CYLD: variants seen among roughly 807,000 people sequenced by gnomAD.
The protein encoded by CYLD is CYLD lysine 63 deubiquitinase.
A neutral mutation model predicts 104.5 loss-of-function variants in CYLD; 26 were observed. That is an observed-to-expected ratio of 0.25 (90% CI 0.18 to 0.35). CYLD has a LOEUF of 0.35. Ranked by LOEUF, CYLD falls within the 10% of genes least tolerant of loss-of-function variation. The pLI is 1.00. For synonymous variants in CYLD, 385 were observed against 399.9 expected (o/e 0.96, Z 0.45); for missense variants, 703 against 1,136.1 (o/e 0.62, Z 5.48).
Position 50,794,526 on chromosome 16 carries a change from G to A in CYLD, c.2686+98G>A. The A allele has an allele frequency of 8.5e-7, 1 of 1,177,850 alleles. No individual in the cohort carries two copies. The highest frequency in any genetic ancestry group is 1.3e-6 in the Non-Finnish European group (1 of 789,564). 73.0% of individuals were successfully genotyped at this position (1,177,850 alleles called of 1,614,324 possible). On this transcript the variant is annotated intron_variant, in intron 18 of 18. Coordinates refer to ENST00000427738, the MANE Select transcript of CYLD (RefSeq NM_001378743.1). The surrounding 1 kb of genome is among the most constrained non-coding windows in gnomAD (Gnocchi z 4.1). The stretch of plus-strand genomic sequence containing the variant: ...GCCTGTTCTGAGTGATATTTTCTGA[G>A]AAAATCCTTTCAGGATTATTCTGGT...
At chr16:50,747,320 G>A (rs1254870235) in intron 2 of CYLD, among the ~76,000 whole-genome samples, 2 of 152,194 alleles carry the variant, frequency 1.3e-5, no homozygotes, top group Admixed American at 6.5e-5. Flanking sequence ...CAACAAGGCC[G>A]TAAAAGGAGT....
At chr16:50,781,742 C>G (rs992217861) in intron 10 of CYLD, among the ~76,000 whole-genome samples, 6 of 151,486 alleles carry the variant, frequency 4.0e-5, no homozygotes, top group Non-Finnish European at 8.8e-5. Flanking sequence ...TTACTGACTT[C>G]CCTCACAGTG....
intron 18 of CYLD, 89 bp from the exon 19 acceptor site, chr16:50,796,235 G>C (rs1490776875): frequency 1.0e-5 from 14 of 1,353,968 alleles, no homozygotes; most frequent in Middle Eastern, 4.1e-4. Context: ...CCTGAAATTA[G>C]CTTTTTGGAA....
intron 5 of CYLD, among the ~76,000 whole-genome samples, chr16:50,760,320 A>G (rs1039246195): frequency 6.6e-6 from 1 of 152,200 alleles, no homozygotes; most frequent in African/African-American, 2.4e-5. Flanking sequence ...TCAAGTTATT[A>G]AAACAATTTT....
chr16:50,744,210 T>C (rs1429852190), intron 2 of CYLD, among the ~76,000 whole-genome samples: 2 of 152,056 alleles, frequency 1.3e-5, no homozygotes, highest in Admixed American at 1.3e-4. Flanking sequence ...TTTTTTAACC[T>C]TATAAATCCC....
intron 14 of CYLD, among the ~76,000 whole-genome samples, chr16:50,788,456 A>T (rs1218398801): frequency 6.6e-6 from 1 of 152,118 alleles, no homozygotes; most frequent in Non-Finnish European, 1.5e-5. Context: ...GTAATATCCT[A>T]TACACTTCCC....
intron 14 of CYLD, among the ~76,000 whole-genome samples, chr16:50,788,267 A>G (rs1345523271): frequency 6.6e-6 from 1 of 152,148 alleles, no homozygotes; most frequent in East Asian, 1.9e-4. Context: ...TCCTGTTTTT[A>G]GTTGTATAAC....
At chr16:50,761,723 C>T (rs1184228559) in intron 5 of CYLD, among the ~76,000 whole-genome samples, 1 of 108,788 alleles carries the variant, frequency 9.2e-6, no homozygotes, top group African/African-American at 3.7e-5. Flanking sequence ...TTCTAGTACT[C>T]TGTGGTTTTA....
intron 5 of CYLD, among the ~76,000 whole-genome samples, chr16:50,756,492 A>C (rs564964467): frequency 6.6e-6 from 1 of 152,212 alleles, no homozygotes; most frequent in East Asian, 1.9e-4. Flanking sequence ...AAAATCAAGC[A>C]ATCTTTTATT....
At chr16:50,759,662 A>G (rs532392887) in intron 5 of CYLD, among the ~76,000 whole-genome samples, 81 of 152,312 alleles carry the variant, frequency 5.3e-4, no homozygotes, top group South Asian at 2.1e-3. Context: ...TCATGTGACT[A>G]TCCCACAGTT....
At chr16:50,744,288 C>CT in intron 2 of CYLD, among the ~76,000 whole-genome samples, 1 of 151,922 alleles carries the variant, frequency 6.6e-6, no homozygotes, top group South Asian at 2.1e-4. Context: ...CGGACTCAGT[C>CT]TTTTTTCTGG....
At chr16:50,754,871 A>G (rs888933375) in intron 5 of CYLD, among the ~76,000 whole-genome samples, 2 of 139,616 alleles carry the variant, frequency 1.4e-5, no homozygotes, top group African/African-American at 3.3e-5. Context: ...ACACACACAC[A>G]TATGTATATA....
rs1969849393 is a variant in CYLD at position 50,777,923 on chromosome 16, A to T, written c.1120A>T (p.Thr374Ser). The T allele has an allele frequency of 6.4e-7, 1 of 1,554,224 alleles. No homozygotes were observed. Among genetic ancestry groups the T allele is most frequent in the African/African-American group, 1.4e-5 (1 of 73,838 alleles). Residue 374 changes from threonine to serine, a missense_variant, in exon 8 of 19, where the codon ACA (threonine) becomes TCA (serine). Physicochemically the swap from Thr to Ser is moderately conservative, Grantham distance 58 (BLOSUM62 1). This residue lies in a region of CYLD where 183 missense variants were observed against 212.1 expected (regional missense o/e 0.86). Transcript: ENST00000427738. ...DSQPQSKSKN[T>S]WYIDEVAEDP... Reference sequence around the variant, plus strand: ...ACAACCACAATCCAAATCAAAAAATACATGGTACATTGATGAAGGTAATCA... The same window carrying T: ...ACAACCACAATCCAAATCAAAAAATTCATGGTACATTGATGAAGGTAATCA...
In CYLD at chr16:50,793,675, C is replaced by T. The variant is rs1971658128; in HGVS notation, c.2469+11C>T. On this transcript the variant is annotated intron_variant, in intron 17 of 18. Transcript: ENST00000427738. ...ACCTGCAACACTCAAGTGAGCTTCCCTTCACTTAATGGATAAACTTTTGTT... is the reference window on the plus strand; with the variant it reads ...ACCTGCAACACTCAAGTGAGCTTCCTTTCACTTAATGGATAAACTTTTGTT... 2.0e-6 allele frequency: 3 copies of T among 1,533,482 alleles called. No homozygotes were observed. The East Asian group carries it at 6.7e-5, about 34-fold the overall frequency. 95.0% of individuals were successfully genotyped at this position (1,533,482 alleles called of 1,614,324 possible). A position where few individuals can be genotyped will look rare whatever the true frequency, so the allele number is the denominator to read the frequency against.
intron 5 of CYLD, among the ~76,000 whole-genome samples, chr16:50,768,804 G>A (rs11859674): frequency 0.23 from 34,886 of 151,958 alleles, 6,573 homozygotes; most frequent in African/African-American, 0.52. Context: ...CGATCTCTAC[G>A]ATCAAGATAG....
At chr16:50,788,013 TG>T (rs1424701805) in intron 14 of CYLD, among the ~76,000 whole-genome samples, 161 bp downstream of exon 14, 1 of 152,220 alleles carries the variant, frequency 6.6e-6, no homozygotes, top group Non-Finnish European at 1.5e-5. Flanking sequence ...TTTTATTTGT[TG>T]TCCTTGCCAC....
At chr16:50,773,494 A>G (rs1426417933) in intron 5 of CYLD, among the ~76,000 whole-genome samples, 3 of 152,122 alleles carry the variant, frequency 2.0e-5, no homozygotes, top group Non-Finnish European at 2.9e-5. Context: ...TTGTTTCTCT[A>G]TTCTTCTGTA....
rs775270535 is a variant in CYLD, at chr16:50,776,201, G to A, written c.945G>A (p.Arg315=). Residue 315 remains arginine, a synonymous_variant, in exon 7 of 19, where the codon AGG becomes AGA. Transcript: ENST00000427738. The part of the protein sequence containing the change: ...ALSESVTQER[R]PPKLAFMSRG... ...CAGAGAGTGTGACGCAGGAAAGGAG[G>A]CCTCCCAAACTTGCCTTTATGTCAA... 2 of 1,613,214 alleles carry A rather than the reference G, an allele frequency of 1.2e-6. No individual in the cohort carries two copies. Among genetic ancestry groups the A allele is most frequent in the South Asian group, 1.1e-5 (1 of 91,064 alleles).
intron 12 of CYLD, chr16:50,785,957 T>A (rs923720311): frequency 2.0e-5 from 3 of 152,220 alleles, no homozygotes; most frequent in Non-Finnish European, 2.9e-5. Flanking sequence ...GATATAAAAT[T>A]AGCTAGTTCT....
Sources: gnomAD v4.1 joint callset for allele counts (sites outside exome capture counted in the v4.1 genomes callset) on GRCh38, gnomAD v4.1.1 for gene constraint, gnomAD v4.1.1 regional missense constraint, Gnocchi (gnomAD v3.1) non-coding constraint, MANE v1.5 for transcripts, NCBI Gene and HGNC (gene_info 2026-07-23, HGNC 2026-07-21) for gene names.